TTC7A: variants seen among roughly 807,000 people sequenced by gnomAD.
TTC7A encodes tetratricopeptide repeat protein 7A.
In TTC7A, 110 loss-of-function variants were observed where a neutral mutation model predicts 103.7. That is an observed-to-expected ratio of 1.06 (90% CI 0.91 to 1.24). The LOEUF is 1.24. Ranked by LOEUF, TTC7A falls within the 50% of genes most tolerant of loss-of-function variation. The pLI, the probability that TTC7A is intolerant of heterozygous loss-of-function variation, is 0.00. For synonymous variants in TTC7A, 521 were observed against 467.9 expected, an observed-to-expected ratio of 1.11 and a Z score of -1.47; for missense variants, 1,340 against 1,116.3, an observed-to-expected ratio of 1.20 and a Z score of -2.86.
chr2:47,025,894 C>T (rs929428531), intron 14 of TTC7A, among the ~76,000 whole-genome samples: 2 of 152,246 alleles, frequency 1.3e-5, no homozygotes, highest in Admixed American at 1.3e-4. Context: ...CCTCCCCTCC[C>T]AGGAATACCA....
Position 46,950,351 on chromosome 2 carries a change from T to A in TTC7A, c.185-12T>A, listed in dbSNP as rs1572699048. 1 of 1,613,884 alleles carries A rather than the reference T, an allele frequency of 6.2e-7. No individual in the cohort carries two copies. The highest frequency in any genetic ancestry group is 2.2e-5 in the East Asian group (1 of 44,894). On this transcript the variant is annotated splice_polypyrimidine_tract_variant and intron_variant, in intron 1 of 19. Coordinates refer to ENST00000319190, the MANE Select transcript of TTC7A (RefSeq NM_020458.4). ...CGGGGTTTGCTGCTCTGACCCCTAC[T>A]TTGCTTTTCAGATGACTTTGGGAAA...
At chr2:46,923,555 T>A (rs1294873176) in intron 2 of TTC7A, among the ~76,000 whole-genome samples, 1 of 151,992 alleles carries the variant, frequency 6.6e-6, no homozygotes, top group Non-Finnish European at 1.5e-5. Context: ...GTCTCTTTAC[T>A]CTTTTTAACA....
rs1682696576 is a variant in TTC7A at position 47,049,887 on chromosome 2, C to T, written c.1920-62C>T. ...TCCTTGTGATGCTGGCCCTCTACCT[C>T]ACTGGGCCCTGTGATGCTAGCCCTC... On this transcript the variant is annotated intron_variant, in intron 16 of 19. Transcript: ENST00000319190. The T allele has an allele frequency of 8.7e-6, 11 of 1,267,520 alleles. 1 individual carries two copies. In the South Asian group the frequency reaches 1.1e-4, roughly 13 times the overall value. The allele number at this position is 1,267,520 out of a possible 1,614,324, so 78.5% of individuals were successfully genotyped here.
intron 3 of TTC7A, chr2:46,958,505 G>A: frequency 8.4e-6 from 11 of 1,304,214 alleles, no homozygotes; most frequent in Non-Finnish European, 1.1e-5. Flanking sequence ...CATGCCTCCG[G>A]CTTCTTGGGG....
upstream of TTC7A, among the ~76,000 whole-genome samples, chr2:46,938,217 A>T (rs893744958): frequency 1.3e-5 from 2 of 152,240 alleles, no homozygotes; most frequent in South Asian, 2.1e-4. Context: ...GAAGGTGTTC[A>T]ATTTCCCACT....
Position 47,073,710 on chromosome 2 carries a change from G to T in TTC7A, c.2364G>T (p.Met788Ile). 1.2e-6 allele frequency: 2 copies of T among 1,613,822 alleles called. No homozygotes were observed. Among genetic ancestry groups the T allele is most frequent in the Non-Finnish European group, 1.7e-6 (2 of 1,180,006 alleles). ...CTGTGCTTCGTCCACAGGGTCTGAT[G>T]CTGAGTCGGCTGGGCCACAAGAGCT... ...GVRIMHSLGL[M>I]LSRLGHKSLA... Residue 788 changes from methionine to isoleucine, a missense_variant, in exon 20 of 20, where the codon ATG becomes ATT. Physicochemically the swap from Met to Ile is conservative, Grantham distance 10 (BLOSUM62 1). Coordinates refer to ENST00000319190, the MANE Select transcript of TTC7A (RefSeq NM_020458.4).
intron 15 of TTC7A, among the ~76,000 whole-genome samples, chr2:47,030,670 C>G (rs903976295): frequency 2.0e-5 from 3 of 152,168 alleles, no homozygotes; most frequent in African/African-American, 7.2e-5. Flanking sequence ...ACCCTTGAGC[C>G]TTGACCTGCT....
chr2:47,059,262 C>G (rs563904117), intron 18 of TTC7A, among the ~76,000 whole-genome samples: 2 of 152,088 alleles, frequency 1.3e-5, no homozygotes, highest in African/African-American at 2.4e-5. Flanking sequence ...ACCTCGTGAT[C>G]TACCCGCCTT....
Position 47,050,022 on chromosome 2 carries a change from C to G in TTC7A, c.1993C>G (p.Pro665Ala), listed in dbSNP as rs1428689138. The G allele has an allele frequency of 6.2e-7, 1 of 1,614,042 alleles. No individual in the cohort carries two copies. Among genetic ancestry groups the G allele is most frequent in the Non-Finnish European group, 8.5e-7 (1 of 1,179,964 alleles). Residue 665 changes from proline to alanine, a missense_variant, in exon 17 of 20, where the codon CCT becomes GCT. Physicochemically the swap from Pro to Ala is conservative, Grantham distance 27. Transcript: ENST00000319190. The stretch of plus-strand genomic sequence containing the variant: ...GCAGAGTGGCATGCACCTGACTTTG[C>G]CTGATGCCCATGATGCAGACTCTGG... ...KKQSGMHLTL[P>A]DAHDADSGSR...
chr2:46,993,361 G>A, intron 5 of TTC7A, 89 bp from the exon 6 acceptor site: 1 of 1,241,418 alleles, frequency 8.1e-7, no homozygotes, highest in Non-Finnish European at 1.2e-6. Context: ...CCAGCAGTCA[G>A]CTCCTCCTGG....
chr2:46,982,013 C>T (rs1308441956), intron 5 of TTC7A, among the ~76,000 whole-genome samples: 1 of 152,234 alleles, frequency 6.6e-6, no homozygotes, highest in Non-Finnish European at 1.5e-5. Flanking sequence ...TTCTCTTTCT[C>T]TCCACCCTGC....
chr2:46,963,822 A>G lies in TTC7A; in HGVS notation c.517+6815A>G, dbSNP rs146383218. On this transcript the variant is annotated intron_variant, in intron 3 of 19. Transcript: ENST00000319190. ...GCAGTATGGCACCCACAAACTCAGA[A>G]GGAGAGACTGCCTGGGGAAGCTTCT... 4.1e-3 allele frequency among the ~76,000 whole-genome samples: 621 copies of G among 152,268 alleles called. 3 individuals carry two copies. Among genetic ancestry groups the G allele is most frequent in the Middle Eastern group, 6.8e-3 (2 of 294 alleles).
At chr2:46,986,240 A>G (rs1314519028) in intron 5 of TTC7A, among the ~76,000 whole-genome samples, 1 of 151,548 alleles carries the variant, frequency 6.6e-6, no homozygotes, top group African/African-American at 2.4e-5. Context: ...CTGCCCTCCT[A>G]GCCTCTTGGG....
intron 2 of TTC7A, among the ~76,000 whole-genome samples, chr2:46,921,088 TC>T (rs1367270709): frequency 6.6e-6 from 1 of 152,144 alleles, no homozygotes; most frequent in Non-Finnish European, 1.5e-5. Flanking sequence ...TGAATGCTTT[TC>T]CCTTAATATC....
At chr2:47,013,444 T>A (rs1400499549) in intron 11 of TTC7A, among the ~76,000 whole-genome samples, 7 of 152,138 alleles carry the variant, frequency 4.6e-5, no homozygotes, top group Non-Finnish European at 1.5e-5. Context: ...AGGCCGCTGC[T>A]TGCTCCTAGG....
chr2:47,005,239 G>C (rs367943231), intron 8 of TTC7A, among the ~76,000 whole-genome samples: 124 of 152,208 alleles, frequency 8.1e-4, no homozygotes, highest in African/African-American at 2.7e-3. Flanking sequence ...AGGGAGGGGG[G>C]GGCTCTGGGA....
chr2:46,940,869 T>G (rs1258292870), upstream of TTC7A, among the ~76,000 whole-genome samples: 2 of 151,936 alleles, frequency 1.3e-5, no homozygotes, highest in East Asian at 3.9e-4. This position sits in a 1 kb window ranked among gnomAD's most constrained non-coding sequence, Gnocchi z 4.7. Context: ...TCTCCCCATT[T>G]TTGTGACGTG....
At chr2:47,070,119 C>G (rs548063238) in intron 19 of TTC7A, among the ~76,000 whole-genome samples, 2 of 152,372 alleles carry the variant, frequency 1.3e-5, no homozygotes, top group East Asian at 3.9e-4. Flanking sequence ...CTGCTCTGCC[C>G]TTGGAGGGCA....
At chr2:47,004,316 C>T (rs1044727939) in intron 8 of TTC7A, among the ~76,000 whole-genome samples, 2 of 152,284 alleles carry the variant, frequency 1.3e-5, no homozygotes, top group African/African-American at 4.8e-5. Flanking sequence ...CCAGAGGCTT[C>T]TGGGAGGACT....
Sources: allele counts gnomAD v4.1 joint callset (sites outside exome capture counted in the v4.1 genomes callset), GRCh38; gene constraint gnomAD v4.1.1; non-coding constraint Gnocchi (gnomAD v3.1); transcripts MANE v1.5; gene names NCBI Gene and HGNC (gene_info 2026-07-23, HGNC 2026-07-21).